Variants in EPCAM observed in about 807,000 individuals in gnomAD.
EPCAM encodes epithelial cell adhesion molecule.
In EPCAM, 39 loss-of-function variants were observed where a neutral mutation model predicts 40.0. That is an observed-to-expected ratio of 0.98 (90% CI 0.76 to 1.27). EPCAM has a LOEUF of 1.27. EPCAM is among the 50% of genes most tolerant of loss of function. The pLI is 0.00. For synonymous variants in EPCAM, 168 were observed against 132.3 expected (o/e 1.27, Z -1.85); for missense variants, 503 against 381.2 (o/e 1.32, Z -2.66).
intron 6 of EPCAM, among the ~76,000 whole-genome samples, 183 bp from the exon 7 acceptor site, chr2:47,379,586 G>A (rs1334987674): frequency 6.6e-6 from 1 of 152,166 alleles, no homozygotes; most frequent in Admixed American, 6.5e-5. Context: ...TTCTACTTTC[G>A]TGTATGTTGA....
rs750826481 is a variant in EPCAM at position 47,379,040 on chromosome 2, T to C, written c.643T>C (p.Tyr215His). The C allele has an allele frequency of 1.3e-6, 2 of 1,577,222 alleles. No individual in the cohort carries two copies. The highest frequency in any genetic ancestry group is 2.2e-5 in the South Asian group (2 of 90,270). The change falls in exon 6 of 9, where the codon TAT becomes CAT. Residue 215 changes from tyrosine to histidine, a missense_variant. Coordinates refer to ENST00000263735, the MANE Select transcript of EPCAM (RefSeq NM_002354.3). ...TGTGGACATAGCTGATGTGGCTTAT[T>C]ATTTTGAAAAAGATGTGAGTATCAT... Reference protein sequence around the residue: ...NDVDIADVAYYFEKDVKGESL... With the variant: ...NDVDIADVAYHFEKDVKGESL...
chr2:47,373,507 A>G lies in EPCAM; in HGVS notation c.121A>G (p.Asn41Asp). ...CAAGCTGGCCGTAAACTGCTTTGTG[A>G]ATAATAATCGTCAATGCCAGTGTAC... The part of the protein sequence containing the change: ...NYKLAVNCFV[N>D]NNRQCQCTSV... Residue 41 changes from asparagine to aspartate, a missense_variant, in exon 2 of 9, where the codon AAT becomes GAT. Transcript: ENST00000263735. 6.2e-7 allele frequency: 1 copy of G among 1,613,768 alleles called. No individual in the cohort carries two copies. Among genetic ancestry groups the G allele is most frequent in the Non-Finnish European group, 8.5e-7 (1 of 1,179,822 alleles).
In EPCAM at chr2:47,379,926, T is replaced by C. The variant is rs377276151; in HGVS notation, c.815T>C (p.Ile272Thr). ...QGLKAGVIAV[I>T]VVVVIAVVAG... ...CTAAAAGCTGGTGTTATTGCTGTTA[T>C]TGTGGTTGTGGTGATAGCAGTTGTT... The change falls in exon 7 of 9, where the codon ATT becomes ACT. Residue 272 changes from isoleucine (I) to threonine (T), a missense_variant. Ile to Thr is a moderately conservative substitution (Grantham distance 89). Coordinates refer to ENST00000263735, the MANE Select transcript of EPCAM (RefSeq NM_002354.3). The C allele has an allele frequency of 6.0e-5, 97 of 1,613,870 alleles. No homozygotes were observed. The highest frequency in any genetic ancestry group is 7.7e-5 in the Non-Finnish European group (91 of 1,179,924).
In EPCAM at chr2:47,386,645, A is replaced by G. The variant is rs2103771013; in HGVS notation, c.*32A>G. 6.6e-7 allele frequency: 1 copy of G among 1,522,146 alleles called. No individual in the cohort carries two copies. The highest frequency in any genetic ancestry group is 2.3e-5 in the East Asian group (1 of 44,424). The allele number at this position is 1,522,146 out of a possible 1,614,324, so 94.3% of individuals were successfully genotyped here. On this transcript the variant is annotated 3_prime_UTR_variant, in exon 9 of 9. Transcript: ENST00000263735. The stretch of plus-strand genomic sequence containing the variant: ...AATTTGAAGATTATAGAAGAAGGGA[A>G]ATAGCAAATGGACACAAATTACAAA...
intron 3 of EPCAM, 75 bp downstream of exon 3, chr2:47,374,123 A>T: frequency 6.6e-7 from 1 of 1,526,104 alleles, no homozygotes; most frequent in South Asian, 1.2e-5. Flanking sequence ...TTGATTATGT[A>T]ATATGATTTC....
At chr2:47,384,630 C>G (rs1236517373) in intron 7 of EPCAM, among the ~76,000 whole-genome samples, 6 of 151,968 alleles carry the variant, frequency 3.9e-5, no homozygotes, top group African/African-American at 9.7e-5. Context: ...GTTGGCCAGG[C>G]TGGTCTTGAC....
chr2:47,378,253 C>T (rs1315450096), intron 5 of EPCAM, among the ~76,000 whole-genome samples: 1 of 151,426 alleles, frequency 6.6e-6, no homozygotes, highest in Non-Finnish European at 1.5e-5. Flanking sequence ...AAAAAAACAA[C>T]ATGGAAAATG....
chr2:47,369,626 G>A, intron 1 of EPCAM, 45 bp downstream of exon 1: 4 of 1,540,192 alleles, frequency 2.6e-6, no homozygotes, highest in Non-Finnish European at 3.5e-6. Context: ...GGCTGGGCTG[G>A]GGGGCAGCGG....
At chr2:47,384,797 C>T (rs1029324823) in intron 7 of EPCAM, among the ~76,000 whole-genome samples, 1 of 152,184 alleles carries the variant, frequency 6.6e-6, no homozygotes, top group African/African-American at 2.4e-5. Flanking sequence ...ACCTCTGCCT[C>T]CTGGGTTCAA....
intron 6 of EPCAM, among the ~76,000 whole-genome samples, chr2:47,379,499 A>G (rs905988694): frequency 2.0e-5 from 3 of 152,200 alleles, no homozygotes; most frequent in Non-Finnish European, 4.4e-5. Context: ...AAAGGAAGAA[A>G]AGATGAAGTA....
chr2:47,384,903 C>T (rs1448777211), intron 7 of EPCAM, among the ~76,000 whole-genome samples: 2 of 152,084 alleles, frequency 1.3e-5, no homozygotes, highest in East Asian at 3.9e-4. Flanking sequence ...GATGGGGTTT[C>T]ACCGTGTTGG....
intron 1 of EPCAM, among the ~76,000 whole-genome samples, chr2:47,371,879 T>C (rs1477727935): frequency 6.6e-6 from 1 of 152,224 alleles, no homozygotes; most frequent in African/African-American, 2.4e-5. Flanking sequence ...TTAGGGTACT[T>C]GGGATACGAA....
intron 5 of EPCAM, chr2:47,377,798 T>G: frequency 2.2e-6 from 1 of 463,138 alleles, no homozygotes. Context: ...AACTAGTCCT[T>G]AACTAGTTAG....
At chr2:47,377,238 T>G (rs1372556843) in intron 5 of EPCAM, among the ~76,000 whole-genome samples, 161 bp downstream of exon 5, 1 of 152,034 alleles carries the variant, frequency 6.6e-6, no homozygotes, top group Non-Finnish European at 1.5e-5. Context: ...TGTTTTTTTT[T>G]GTTTGTTTGT....
intron 1 of EPCAM, among the ~76,000 whole-genome samples, chr2:47,373,060 C>G (rs1671318583): frequency 6.6e-6 from 1 of 151,786 alleles, no homozygotes; most frequent in Admixed American, 6.6e-5. Flanking sequence ...TAAAAATTAG[C>G]CAGGCATGGT....
chr2:47,379,166 G>A (rs1277178677), intron 6 of EPCAM, 112 bp downstream of exon 6: 24 of 705,030 alleles, frequency 3.4e-5, no homozygotes, highest in Non-Finnish European at 4.9e-5. Context: ...CAAATGGTTC[G>A]CTGCTGCCGT....
Position 47,379,066 on chromosome 2 carries a change from C to T in EPCAM, c.657+12C>T, listed in dbSNP as rs745735370. The stretch of plus-strand genomic sequence containing the variant: ...ATTTTGAAAAAGATGTGAGTATCAT[C>T]TTCTTTATTCCTGTGTTCAGGAATG... On this transcript the variant is annotated intron_variant, in intron 6 of 8. Transcript: ENST00000263735. 3 of 1,312,678 alleles carry T rather than the reference C, an allele frequency of 2.3e-6. No individual in the cohort carries two copies. The highest frequency in any genetic ancestry group is 1.7e-5 in the Admixed American group (1 of 59,606). The allele number at this position is 1,312,678 out of a possible 1,614,324, so 81.3% of individuals were successfully genotyped here.
At chr2:47,383,856 C>G (rs188537674) in intron 7 of EPCAM, among the ~76,000 whole-genome samples, 6 of 151,514 alleles carry the variant, frequency 4.0e-5, no homozygotes, top group South Asian at 4.2e-4. Flanking sequence ...AGGCTGATCT[C>G]GAAATCCTGA....
At position 47,377,008 on chromosome 2, in the gene EPCAM, TTACAG is replaced by T; in HGVS notation, c.492-4_492del. On this transcript the variant is annotated splice_acceptor_variant and splice_polypyrimidine_tract_variant and intron_variant, in intron 4 of 8. Transcript: ENST00000263735. LOFTEE classifies it high-confidence loss of function. ...TTTTTTAATACAGATTTTAAATTCT[TTACAG>T]TGCACTTCAGAAGGAGATCACAACG... The T allele has an allele frequency of 6.3e-7, 1 of 1,593,084 alleles. No homozygotes were observed. The highest frequency in any genetic ancestry group is 1.1e-5 in the South Asian group (1 of 90,700).
Sources: gnomAD v4.1 joint callset for allele counts (sites outside exome capture counted in the v4.1 genomes callset) on GRCh38, gnomAD v4.1.1 for gene constraint, MANE v1.5 for transcripts, NCBI Gene and HGNC (gene_info 2026-07-23, HGNC 2026-07-21) for gene names.